TMOD1: variants seen among roughly 807,000 people sequenced by gnomAD.
The protein encoded by TMOD1 is tropomodulin 1.
Under a neutral mutation model 40.6 loss-of-function variants are expected in TMOD1, and 17 were observed. That is an observed-to-expected ratio of 0.42 (90% CI 0.29 to 0.63). TMOD1 has a LOEUF of 0.63. TMOD1 is among the 20% of genes least tolerant of loss of function. The probability of loss-of-function intolerance (pLI) is 0.22; values close to 1 mark genes in which losing one functional copy is unlikely to be tolerated. For missense variants in TMOD1, 391 were observed against 447.6 expected (o/e 0.87, Z 1.14); for synonymous variants, 181 against 175.0 (o/e 1.03, Z -0.27).
At chr9:97,562,972 T>C in intron 5 of TMOD1, 151 bp downstream of exon 5, 1 of 586,154 alleles carries the variant, frequency 1.7e-6, no homozygotes, top group East Asian at 3.4e-5. Flanking sequence ...GTGTCTTGTT[T>C]ACAAAGGCCT....
At chr9:97,549,565 G>A (rs1030890399) in intron 3 of TMOD1, among the ~76,000 whole-genome samples, 1 of 152,030 alleles carries the variant, frequency 6.6e-6, no homozygotes, top group African/African-American at 2.4e-5. Context: ...CTGGATCCCT[G>A]GAATCTGATA....
intron 1 of TMOD1, among the ~76,000 whole-genome samples, chr9:97,508,504 C>T (rs971554713): frequency 6.6e-6 from 1 of 152,170 alleles, no homozygotes; most frequent in Non-Finnish European, 1.5e-5. Flanking sequence ...TTTAACATTT[C>T]TGTGCCTGGT....
At position 97,588,366 on chromosome 9, in the gene TMOD1, ATATT is replaced by A. The variant is rs1411756486; in HGVS notation, c.871-2919_871-2916del. Reference sequence around the variant, plus strand: ...TTATTAATGATGAGCACTTTTTCATATATTTATTTGCCATTTTTATCTTTACAGA... The same window carrying A: ...TTATTAATGATGAGCACTTTTTCATATATTTGCCATTTTTATCTTTACAGA... On this transcript the variant is annotated intron_variant, in intron 8 of 9. Transcript: ENST00000259365. Among the ~76,000 whole-genome samples the A allele has an allele frequency of 2.6e-5, 4 of 152,140 alleles. No individual in the cohort carries two copies. The East Asian group carries it at 7.7e-4, about 29-fold the overall frequency.
rs532044160 is a variant in TMOD1 at position 97,576,144 on chromosome 9, T to C, written c.870+7107T>C. 4.6e-5 allele frequency among the ~76,000 whole-genome samples: 7 copies of C among 152,184 alleles called. No individual in the cohort carries two copies. The East Asian group carries it at 1.4e-3, about 29-fold the overall frequency. ...GACTCTGAAAGAGCTCTGCAAAATA[T>C]TAAATGAAAAAGGTGGGCTAGGCAT... On this transcript the variant is annotated intron_variant, in intron 8 of 9. Coordinates refer to ENST00000259365, the MANE Select transcript of TMOD1 (RefSeq NM_003275.4).
chr9:97,541,860 A>G (rs1277587501), intron 2 of TMOD1, among the ~76,000 whole-genome samples: 6 of 152,184 alleles, frequency 3.9e-5, no homozygotes, highest in Non-Finnish European at 5.9e-5. Context: ...GAGTTGTAAG[A>G]GATTTTTATG....
At chr9:97,564,313 C>CA in intron 6 of TMOD1, 145 bp downstream of exon 6, 1 of 1,115,992 alleles carries the variant, frequency 9.0e-7, no homozygotes, top group Non-Finnish European at 1.2e-6. Flanking sequence ...GGAATAGGGA[C>CA]AAAACCTTTG....
Position 97,557,837 on chromosome 9 carries a change from A to C in TMOD1, c.397+4437A>C, listed in dbSNP as rs1268208463. On this transcript the variant is annotated intron_variant, in intron 4 of 9. Transcript: ENST00000259365. This position sits in a 1 kb window ranked among gnomAD's most constrained non-coding sequence, Gnocchi z 4.4. Reference sequence around the variant, plus strand: ...ATGTTCTTTTTCAGAGTTCAAAAATAGTCCTTTTTGAGTTTTGAGGAAGAT... The same window carrying C: ...ATGTTCTTTTTCAGAGTTCAAAAATCGTCCTTTTTGAGTTTTGAGGAAGAT... 6.6e-6 allele frequency among the ~76,000 whole-genome samples: 1 copy of C among 152,126 alleles called. No individual in the cohort carries two copies. Among genetic ancestry groups the C allele is most frequent in the Non-Finnish European group, 1.5e-5 (1 of 68,014 alleles).
At chr9:97,575,343 A>C (rs148609351) in intron 8 of TMOD1, among the ~76,000 whole-genome samples, 100 of 152,356 alleles carry the variant, frequency 6.6e-4, no homozygotes, top group African/African-American at 2.3e-3. Flanking sequence ...TCCGAACATC[A>C]GAAGGAACAA....
At chr9:97,511,730 G>A (rs532758578) in intron 1 of TMOD1, among the ~76,000 whole-genome samples, 3 of 152,150 alleles carry the variant, frequency 2.0e-5, no homozygotes, top group Admixed American at 1.3e-4. Context: ...GACTACAGGA[G>A]TGCGCCATCA....
In TMOD1 at chr9:97,553,396, T is replaced by G. The variant is rs1451298560; in HGVS notation, c.393T>G (p.Ile131Met). ...CTTCAGATGCAGAACTCTGTGACAT[T>G]GCAGGTAAGAGGCGTTCCAGGAGCT... The part of the protein sequence containing the change: ...ANASDAELCD[I>M]AAILGMHTLM... Residue 131 changes from isoleucine to methionine, a missense_variant, in exon 4 of 10, where the codon ATT becomes ATG. By Grantham distance (10) the Ile-to-Met change is conservative (BLOSUM62 1). Transcript: ENST00000259365. 1 of 1,614,182 alleles carries G rather than the reference T, an allele frequency of 6.2e-7. No homozygotes were observed. The highest frequency in any genetic ancestry group is 1.1e-5 in the South Asian group (1 of 91,090).
intron 2 of TMOD1, 87 bp downstream of exon 2, chr9:97,524,395 C>T: frequency 6.7e-7 from 1 of 1,487,828 alleles, no homozygotes; most frequent in Non-Finnish European, 9.1e-7. Context: ...CCACCACTTC[C>T]TTTTTCCTTC....
Position 97,536,464 on chromosome 9 carries a change from G to A in TMOD1, c.121-9721G>A, listed in dbSNP as rs575144235. Among the ~76,000 whole-genome samples the A allele has an allele frequency of 7.9e-5, 12 of 152,152 alleles. No homozygotes were observed. In the East Asian group the frequency reaches 2.1e-3, roughly 27 times the overall value. Reference sequence around the variant, plus strand: ...CCACTTTGGTTTCACTCCTACCCCAGGACAATTACTCAATGCCCCTGGACC... The same window carrying A: ...CCACTTTGGTTTCACTCCTACCCCAAGACAATTACTCAATGCCCCTGGACC... On this transcript the variant is annotated intron_variant, in intron 2 of 9. Transcript: ENST00000259365.
At chr9:97,512,030 G>A (rs906813928) in intron 1 of TMOD1, among the ~76,000 whole-genome samples, 23 of 152,168 alleles carry the variant, frequency 1.5e-4, no homozygotes, top group African/African-American at 5.3e-4. Flanking sequence ...GCCCAGTAGA[G>A]GTTTGGAGAG....
chr9:97,575,110 A>G (rs1830907752), intron 8 of TMOD1, among the ~76,000 whole-genome samples: 2 of 152,362 alleles, frequency 1.3e-5, no homozygotes, highest in Middle Eastern at 3.4e-3. Flanking sequence ...AAATCTTGCC[A>G]CTGCTCACTC....
intron 9 of TMOD1, among the ~76,000 whole-genome samples, chr9:97,597,888 C>G: frequency 6.6e-6 from 1 of 151,990 alleles, no homozygotes. Flanking sequence ...TGCCAGCTCT[C>G]AGGGACTGGG....
intron 8 of TMOD1, among the ~76,000 whole-genome samples, chr9:97,576,923 G>A (rs1378259521): frequency 6.6e-6 from 1 of 152,212 alleles, no homozygotes; most frequent in African/African-American, 2.4e-5. Flanking sequence ...ACAGGCGTGA[G>A]CCATCGCGCC....
chr9:97,601,405 A>G lies in TMOD1; in HGVS notation c.*1707A>G, dbSNP rs564323219. The G allele has an allele frequency of 6.7e-6, 7 of 1,040,702 alleles. No individual in the cohort carries two copies. The South Asian group carries it at 2.1e-4, about 31-fold the overall frequency. The allele number at this position is 1,040,702 out of a possible 1,614,324, so 64.5% of individuals were successfully genotyped here. On this transcript the variant is annotated 3_prime_UTR_variant, in exon 10 of 10. Transcript: ENST00000259365. ...GTGCTGATCTAAAAACTGTGGCTCAAATGTCACCGAGCTTATATGAAGCTC... is the reference window on the plus strand; with the variant it reads ...GTGCTGATCTAAAAACTGTGGCTCAGATGTCACCGAGCTTATATGAAGCTC...
intron 8 of TMOD1, among the ~76,000 whole-genome samples, chr9:97,581,240 CG>C (rs1473698961): frequency 7.4e-6 from 1 of 135,036 alleles, no homozygotes; most frequent in Admixed American, 8.2e-5. Flanking sequence ...TGAGAATATG[CG>C]GTGTTTGGTT....
chr9:97,541,905 T>C (rs1169534465), intron 2 of TMOD1, among the ~76,000 whole-genome samples: 1 of 152,250 alleles, frequency 6.6e-6, no homozygotes, highest in Non-Finnish European at 1.5e-5. Context: ...AGATACATGA[T>C]TTACAAATAT....
Sources: allele counts gnomAD v4.1 joint callset (sites outside exome capture counted in the v4.1 genomes callset), GRCh38; gene constraint gnomAD v4.1.1; non-coding constraint Gnocchi (gnomAD v3.1); transcripts MANE v1.5; gene names NCBI Gene and HGNC (gene_info 2026-07-23, HGNC 2026-07-21).